Variants in MTSS1 observed in about 807,000 individuals in gnomAD.
MTSS1 encodes the protein protein MTSS 1.
Under a neutral mutation model 79.0 loss-of-function variants are expected in MTSS1, and 18 were observed. That is an observed-to-expected ratio of 0.23 (90% CI 0.16 to 0.34). MTSS1 has a LOEUF of 0.34. Ranked by LOEUF, MTSS1 falls within the 10% of genes least tolerant of loss-of-function variation. MTSS1 has a pLI of 1.00. For missense variants in MTSS1, 815 were observed against 986.2 expected, an observed-to-expected ratio of 0.83 and a Z score of 2.33; for synonymous variants, 341 against 368.6, an observed-to-expected ratio of 0.93 and a Z score of 0.86.
Position 124,568,533 on chromosome 8 carries a change from C to T in MTSS1, c.464G>A (p.Arg155Lys), listed in dbSNP as rs1020955766. Reference sequence around the variant, plus strand: ...GTCCAACTGAGGCTGGATATCACCTCTCCCTGCAAAAAACAGAGACCCAAG... The same window carrying T: ...GTCCAACTGAGGCTGGATATCACCTTTCCCTGCAAAAAACAGAGACCCAAG... ...LKLQKKAKKGRGDIQPQLDSA... is the reference protein window; with the variant it reads ...LKLQKKAKKGKGDIQPQLDSA... The change falls in exon 7 of 14, where the codon AGA becomes AAA. Residue 155 changes from arginine (R) to lysine (K), a missense_variant. By Grantham distance (26) the Arg-to-Lys change is conservative (BLOSUM62 2). Coordinates refer to ENST00000518547, the MANE Select transcript of MTSS1 (RefSeq NM_014751.6). 1 of 1,614,186 alleles carries T rather than the reference C, an allele frequency of 6.2e-7. No homozygotes were observed. Among genetic ancestry groups the T allele is most frequent in the South Asian group, 1.1e-5 (1 of 91,084 alleles).
intron 3 of MTSS1, among the ~76,000 whole-genome samples, chr8:124,674,532 A>C (rs1457136880): frequency 6.6e-6 from 1 of 152,052 alleles, no homozygotes; most frequent in African/African-American, 2.4e-5. Flanking sequence ...TTTAGTAAAG[A>C]CAGGGTTTTG....
intron 6 of MTSS1, among the ~76,000 whole-genome samples, chr8:124,570,582 A>T (rs963944066): frequency 4.6e-5 from 7 of 152,216 alleles, no homozygotes; most frequent in Admixed American, 2.6e-4. Flanking sequence ...AAACCACAGT[A>T]TATGTAAGGT....
At chr8:124,584,970 C>T (rs2132526523) in intron 6 of MTSS1, 117 bp downstream of exon 6, 1 of 810,456 alleles carries the variant, frequency 1.2e-6, no homozygotes, top group African/African-American at 1.7e-5. Context: ...TTTGCTCCCA[C>T]CTGTTTTCCA....
Position 124,570,052 on chromosome 8 carries a change from G to C in MTSS1, c.461-1516C>G, listed in dbSNP as rs574955483. 2.0e-4 allele frequency among the ~76,000 whole-genome samples: 30 copies of C among 152,332 alleles called. No homozygotes were observed. In the South Asian group the frequency reaches 5.4e-3, roughly 27 times the overall value. On this transcript the variant is annotated intron_variant, in intron 6 of 13. Coordinates refer to ENST00000518547, the MANE Select transcript of MTSS1 (RefSeq NM_014751.6). ...TGCCTTGGATGTAGGAACATATTCT[G>C]TATTTTTCACTCATAAGCAGAGGAG...
intron 3 of MTSS1, among the ~76,000 whole-genome samples, chr8:124,615,166 A>G (rs1836610223): frequency 6.6e-6 from 1 of 152,146 alleles, no homozygotes; most frequent in African/African-American, 2.4e-5. Context: ...GTGGCATGGC[A>G]GTGAGAGGAT....
At chr8:124,594,380 A>C (rs566701384) in intron 3 of MTSS1, among the ~76,000 whole-genome samples, 30 of 152,186 alleles carry the variant, frequency 2.0e-4, no homozygotes, top group African/African-American at 7.2e-4. Flanking sequence ...AAAATACAAA[A>C]ATCAGCCAGG....
intron 10 of MTSS1, among the ~76,000 whole-genome samples, chr8:124,560,192 C>CTG (rs143724296): frequency 0.13 from 20,009 of 152,096 alleles, 1,528 homozygotes; most frequent in African/African-American, 0.21. Flanking sequence ...AGTCGAGAAA[C>CTG]TGAACTTAAA....
intron 6 of MTSS1, among the ~76,000 whole-genome samples, chr8:124,570,419 T>C (rs533258211): frequency 6.6e-6 from 1 of 152,344 alleles, no homozygotes; most frequent in East Asian, 1.9e-4. Flanking sequence ...CATGGTGTGG[T>C]AAAATACGGT....
At chr8:124,569,362 T>C (rs1379447474) in intron 6 of MTSS1, among the ~76,000 whole-genome samples, 1 of 152,212 alleles carries the variant, frequency 6.6e-6, no homozygotes, top group African/African-American at 2.4e-5. Context: ...AATCCATTTA[T>C]TTACCATATT....
chr8:124,610,934 T>C (rs1167048590), intron 3 of MTSS1, among the ~76,000 whole-genome samples: 1 of 152,132 alleles, frequency 6.6e-6, no homozygotes, highest in Non-Finnish European at 1.5e-5. Flanking sequence ...CACCTGGAAA[T>C]CCATGGTTGT....
In MTSS1 at chr8:124,669,832, A is replaced by G. The variant is rs183333971; in HGVS notation, c.208+29694T>C. Among the ~76,000 whole-genome samples, 107 of 152,348 alleles carry G rather than the reference A, an allele frequency of 7.0e-4. 2 individuals carry two copies. The highest frequency in any genetic ancestry group is 2.4e-4 in the Non-Finnish European group (16 of 68,030). On this transcript the variant is annotated intron_variant, in intron 3 of 13. Transcript: ENST00000518547. ...CAGAACACTAGAGGAATCTCCCTAC[A>G]CTAGATAAAGGCAGATGGTACGCGC...
At chr8:124,581,878 G>A (rs1371435988) in intron 6 of MTSS1, among the ~76,000 whole-genome samples, 2 of 152,176 alleles carry the variant, frequency 1.3e-5, no homozygotes, top group African/African-American at 4.8e-5. Flanking sequence ...CATTTCTGAT[G>A]CTCTCTCTTA....
intron 3 of MTSS1, among the ~76,000 whole-genome samples, chr8:124,602,188 C>CAT: frequency 0.022 from 2,620 of 116,730 alleles, 130 homozygotes; most frequent in Admixed American, 0.083. Flanking sequence ...CATATATATA[C>CAT]ATATATATAT....
intron 3 of MTSS1, among the ~76,000 whole-genome samples, chr8:124,610,411 G>A (rs761736714): frequency 5.3e-5 from 8 of 152,146 alleles, no homozygotes; most frequent in Admixed American, 1.3e-4. Context: ...AAGCCTTCGC[G>A]GGAACAGATC....
chr8:124,608,895 A>G (rs1392032654), intron 3 of MTSS1, among the ~76,000 whole-genome samples: 1 of 152,158 alleles, frequency 6.6e-6, no homozygotes, highest in East Asian at 1.9e-4. Flanking sequence ...CTCAAAAGAG[A>G]GCTCAAGACA....
intron 13 of MTSS1, 141 bp downstream of exon 13, chr8:124,555,601 G>C: frequency 9.1e-7 from 1 of 1,098,862 alleles, no homozygotes; most frequent in Middle Eastern, 3.0e-4. Flanking sequence ...GCTCCCCAAA[G>C]CATTCCCAGA....
intron 3 of MTSS1, among the ~76,000 whole-genome samples, chr8:124,643,117 G>A (rs1212942957): frequency 6.6e-6 from 1 of 152,156 alleles, no homozygotes; most frequent in African/African-American, 2.4e-5. Context: ...GAAAAAAATT[G>A]GTAACCCCTA....
chr8:124,722,196 C>T (rs140363308), intron 1 of MTSS1, among the ~76,000 whole-genome samples: 5 of 152,202 alleles, frequency 3.3e-5, no homozygotes, highest in African/African-American at 9.6e-5. Flanking sequence ...AGGCCAGATA[C>T]GCCAAGAGGC....
chr8:124,719,225 T>C (rs559052887), intron 1 of MTSS1, among the ~76,000 whole-genome samples: 1 of 152,200 alleles, frequency 6.6e-6, no homozygotes, highest in African/African-American at 2.4e-5. Context: ...AGTTTCCCCA[T>C]CTGTAAAATG....
Sources: gnomAD v4.1 joint callset for allele counts (sites outside exome capture counted in the v4.1 genomes callset) on GRCh38, gnomAD v4.1.1 for gene constraint, MANE v1.5 for transcripts, NCBI Gene and HGNC (gene_info 2026-07-23, HGNC 2026-07-21) for gene names.